The following KCNH8 variants were observed in gnomAD, a reference collection of about 807,000 sequenced individuals.
The protein encoded by KCNH8 is potassium voltage-gated channel subfamily H member 8.
In KCNH8, 70 loss-of-function variants were observed where a neutral mutation model predicts 103.6. That is an observed-to-expected ratio of 0.68 (90% CI 0.56 to 0.82). The LOEUF (loss-of-function observed/expected upper bound fraction) is 0.82, where lower values mean the gene tolerates loss of function less well. KCNH8 is among the 40% of genes least tolerant of loss of function. The probability of loss-of-function intolerance (pLI) is 0.00; values close to 1 mark genes in which losing one functional copy is unlikely to be tolerated. For missense variants in KCNH8, 1,217 were observed against 1,329.9 expected (o/e 0.92, Z 1.32); for synonymous variants, 498 against 489.4 (o/e 1.02, Z -0.23).
intron 11 of KCNH8, among the ~76,000 whole-genome samples, chr3:19,472,195 C>CGTGTGTGT (rs57766729): frequency 2.9e-5 from 4 of 137,392 alleles, no homozygotes; most frequent in South Asian, 2.6e-4. Flanking sequence ...TCACTTCATT[C>CGTGTGTGT]GTGTGTGTGT....
chr3:19,355,771 A>G (rs992487795), intron 5 of KCNH8, among the ~76,000 whole-genome samples: 1 of 152,064 alleles, frequency 6.6e-6, no homozygotes, highest in South Asian at 2.1e-4. Flanking sequence ...ATTAGGAGAT[A>G]TACCTAATGT....
intron 8 of KCNH8, among the ~76,000 whole-genome samples, chr3:19,444,946 C>T (rs2067341159): frequency 6.6e-6 from 1 of 151,934 alleles, no homozygotes; most frequent in African/African-American, 2.4e-5. Flanking sequence ...TCTGAATATA[C>T]CTCTACTCTG....
rs1452368907 is a variant in KCNH8 at position 19,395,185 on chromosome 3, C to T, written c.1051C>T (p.His351Tyr). Residue 351 changes from histidine to tyrosine, a missense_variant, in exon 7 of 16, where the codon CAC becomes TAC. Coordinates refer to ENST00000328405, the MANE Select transcript of KCNH8 (RefSeq NM_144633.3). ...GCAGAAGTTAGACCGCTATTCCCAA[C>T]ACAGTACTATCGTCCTGACTCTGCT... ...LLQKLDRYSQ[H>Y]STIVLTLLMS... 2 of 1,611,362 alleles carry T rather than the reference C, an allele frequency of 1.2e-6. No homozygotes were observed. Among genetic ancestry groups the T allele is most frequent in the Admixed American group, 3.4e-5 (2 of 59,686 alleles).
At chr3:19,229,925 T>G (rs1185832718) in intron 1 of KCNH8, among the ~76,000 whole-genome samples, 1 of 152,174 alleles carries the variant, frequency 6.6e-6, no homozygotes, top group Non-Finnish European at 1.5e-5. Flanking sequence ...TTAGTCTATT[T>G]TCATGCTGCT....
intron 10 of KCNH8, among the ~76,000 whole-genome samples, chr3:19,455,861 G>A (rs17005983): frequency 0.071 from 10,866 of 152,068 alleles, 784 homozygotes; most frequent in East Asian, 0.23. Flanking sequence ...TAGTTGCTTA[G>A]CAGAGAATGT....
chr3:19,205,154 C>T lies in KCNH8; in HGVS notation c.77-48500C>T, dbSNP rs1449305428. On this transcript the variant is annotated intron_variant, in intron 1 of 15. Coordinates refer to ENST00000328405, the MANE Select transcript of KCNH8 (RefSeq NM_144633.3). ...CTACCCAACTATCTATCTACCTATC[C>T]ATCCACTCACTCTTTCATATATCTA... Among the ~76,000 whole-genome samples, 3 of 151,982 alleles carry T rather than the reference C, an allele frequency of 2.0e-5. No homozygotes were observed. In the East Asian group the frequency reaches 5.8e-4, roughly 29 times the overall value.
intron 3 of KCNH8, among the ~76,000 whole-genome samples, chr3:19,335,161 C>T (rs540791890): frequency 5.3e-5 from 8 of 151,448 alleles, no homozygotes; most frequent in African/African-American, 1.4e-4. Context: ...AAGAAGATTC[C>T]TTCTATTGCT....
At chr3:19,259,301 A>G (rs1002681973) in intron 2 of KCNH8, among the ~76,000 whole-genome samples, 3 of 151,742 alleles carry the variant, frequency 2.0e-5, no homozygotes, top group African/African-American at 4.8e-5. Context: ...CTAACTTCAA[A>G]TAGAAGGCAA....
intron 11 of KCNH8, among the ~76,000 whole-genome samples, chr3:19,500,542 C>T (rs2068556333): frequency 6.6e-6 from 1 of 152,134 alleles, no homozygotes; most frequent in East Asian, 1.9e-4. Context: ...TAAAGCTTTC[C>T]TCAGCAAATG....
chr3:19,188,106 C>T (rs2063519620), intron 1 of KCNH8, among the ~76,000 whole-genome samples: 1 of 151,990 alleles, frequency 6.6e-6, no homozygotes, highest in Admixed American at 6.6e-5. Context: ...GAAAATAGCC[C>T]TACTCATTTG....
intron 1 of KCNH8, among the ~76,000 whole-genome samples, chr3:19,152,279 T>C (rs1220315533): frequency 6.6e-6 from 1 of 152,206 alleles, no homozygotes; most frequent in East Asian, 1.9e-4. Flanking sequence ...AAAAAATATA[T>C]ACCAATGTAT....
intron 15 of KCNH8, among the ~76,000 whole-genome samples, chr3:19,528,650 C>T (rs62276989): frequency 3.0e-4 from 46 of 152,048 alleles, no homozygotes; most frequent in African/African-American, 1.1e-3. Flanking sequence ...TACAGCTTTT[C>T]CAATACAATT....
At chr3:19,162,335 A>G (rs1251633603) in intron 1 of KCNH8, among the ~76,000 whole-genome samples, 1 of 150,794 alleles carries the variant, frequency 6.6e-6, no homozygotes, top group Non-Finnish European at 1.5e-5. Flanking sequence ...AACATGGTGA[A>G]AACCCATCTG....
At chr3:19,412,860 A>T (rs977333104) in intron 7 of KCNH8, among the ~76,000 whole-genome samples, 1 of 152,042 alleles carries the variant, frequency 6.6e-6, no homozygotes. Context: ...CTATTATTAT[A>T]ATATAAAAAA....
At chr3:19,282,436 T>C (rs2064769944) in intron 3 of KCNH8, among the ~76,000 whole-genome samples, 1 of 152,190 alleles carries the variant, frequency 6.6e-6, no homozygotes, top group Non-Finnish European at 1.5e-5. Context: ...TTGCTTTTAA[T>C]ATTTTCTTTG....
At chr3:19,440,308 T>G (rs879317456) in intron 8 of KCNH8, among the ~76,000 whole-genome samples, 10 of 152,142 alleles carry the variant, frequency 6.6e-5, no homozygotes, top group Admixed American at 6.5e-4. Flanking sequence ...CAGGCTTGAT[T>G]CAACCATTTA....
Position 19,342,634 on chromosome 3 carries a change from C to G in KCNH8, c.490C>G (p.Arg164Gly). ...SRAGTHFDSA[R>G]RRSRAVLYHI... ...AGCAGGGACCCACTTTGACTCAGCC[C>G]GGAGACGGAGTCGAGCAGTCCTTTA... Residue 164 changes from arginine (R) to glycine (G), a missense_variant, in exon 4 of 16, where the codon CGG becomes GGG. Around this residue, in one of 3 missense-constraint regions of KCNH8, gnomAD observed 244 missense variants for 256.8 expected, o/e 0.95. Transcript: ENST00000328405. The G allele has an allele frequency of 1.2e-6, 2 of 1,610,850 alleles. No homozygotes were observed. Among genetic ancestry groups the G allele is most frequent in the Non-Finnish European group, 1.7e-6 (2 of 1,177,796 alleles).
Position 19,447,958 on chromosome 3 carries a change from AT to A in KCNH8, c.1376-2145del, listed in dbSNP as rs549635746. On this transcript the variant is annotated intron_variant, in intron 8 of 15. Transcript: ENST00000328405. ...CAAGCATTTATTGAGTATATTTTGAATTTATTTCATCAATAAGTTATGTCTA... is the reference window on the plus strand; with the variant it reads ...CAAGCATTTATTGAGTATATTTTGAATTATTTCATCAATAAGTTATGTCTA... Among the ~76,000 whole-genome samples the A allele has an allele frequency of 8.5e-5, 13 of 152,056 alleles. No individual in the cohort carries two copies. The East Asian group carries it at 2.3e-3, about 27-fold the overall frequency.
At chr3:19,403,537 T>G (rs1167437239) in intron 7 of KCNH8, among the ~76,000 whole-genome samples, 1 of 151,206 alleles carries the variant, frequency 6.6e-6, no homozygotes, top group Non-Finnish European at 1.5e-5. Context: ...CTATGGGTAC[T>G]GACTACCCAT....
Sources: gnomAD v4.1 joint callset for allele counts (sites outside exome capture counted in the v4.1 genomes callset) on GRCh38, gnomAD v4.1.1 for gene constraint, gnomAD v4.1.1 regional missense constraint, MANE v1.5 for transcripts, NCBI Gene and HGNC (gene_info 2026-07-23, HGNC 2026-07-21) for gene names.